IFT122: variants seen among roughly 807,000 people sequenced by gnomAD.
The protein encoded by IFT122 is intraflagellar transport 122.
In IFT122, 118 loss-of-function variants were observed where a neutral mutation model predicts 161.6. The observed-to-expected ratio is 0.73, with a 90% confidence interval of 0.63 to 0.85. IFT122 has a LOEUF of 0.85. IFT122 is among the 40% of genes least tolerant of loss of function. IFT122 has a pLI of 0.00. For synonymous variants in IFT122, 550 were observed against 602.4 expected, an observed-to-expected ratio of 0.91 and a Z score of 1.27; for missense variants, 1,381 against 1,579.6, an observed-to-expected ratio of 0.87 and a Z score of 2.13.
chr3:129,515,834 G>A (rs569641025), intron 26 of IFT122, among the ~76,000 whole-genome samples: 9 of 152,272 alleles, frequency 5.9e-5, no homozygotes, highest in Non-Finnish European at 8.8e-5. Flanking sequence ...GGAACCTGGC[G>A]CAGGGCTTTA....
chr3:129,508,474 A>G (rs1407108617), intron 23 of IFT122, among the ~76,000 whole-genome samples: 1 of 152,220 alleles, frequency 6.6e-6, no homozygotes, highest in Non-Finnish European at 1.5e-5. Context: ...CCCCCATGTT[A>G]CAGATGAGAA....
intron 22 of IFT122, among the ~76,000 whole-genome samples, chr3:129,506,838 T>G (rs2082241923): frequency 6.6e-6 from 1 of 152,162 alleles, no homozygotes; most frequent in South Asian, 2.1e-4. Context: ...TGGACCTGGG[T>G]GAGCACTGGG....
Position 129,478,228 on chromosome 3 carries a change from A to T in IFT122, c.1350+10A>T. On this transcript the variant is annotated intron_variant, in intron 12 of 29. Coordinates refer to ENST00000348417, the MANE Select transcript of IFT122 (RefSeq NM_052989.3). ...CATCATCCTGTGCCAGGTGGGCAGC[A>T]GCATGTTGAAGGAGTTGGGCTGAAT... The T allele has an allele frequency of 1.2e-6, 2 of 1,613,258 alleles. No individual in the cohort carries two copies. Among genetic ancestry groups the T allele is most frequent in the Non-Finnish European group, 1.7e-6 (2 of 1,179,324 alleles).
In IFT122 at chr3:129,515,607, C is replaced by G; in HGVS notation, c.3265+8C>G. ...TCTCCGCCTCTTCCTACGGTGAGTC[C>G]CTGCATCCTGAGCATGTGGGTGGGA... On this transcript the variant is annotated splice_region_variant and intron_variant, in intron 26 of 29. Transcript: ENST00000348417. 1 of 1,438,836 alleles carries G rather than the reference C, an allele frequency of 7.0e-7. No homozygotes were observed. The highest frequency in any genetic ancestry group is 2.3e-5 in the East Asian group (1 of 43,782). 89.1% of individuals were successfully genotyped at this position (1,438,836 alleles called of 1,614,324 possible).
intron 26 of IFT122, among the ~76,000 whole-genome samples, chr3:129,517,268 G>GCACACA (rs777108020): frequency 0.017 from 2,048 of 117,046 alleles, 44 homozygotes; most frequent in East Asian, 0.096. Context: ...CATTGCTCCT[G>GCACACA]CACACACACA....
At chr3:129,520,125 G>T in intron 29 of IFT122, 51 bp from the exon 30 acceptor site, 1 of 1,488,284 alleles carries the variant, frequency 6.7e-7, no homozygotes. Flanking sequence ...CCAGGCGTAG[G>T]GCTGATGAGC....
intron 16 of IFT122, 139 bp from the exon 17 acceptor site, chr3:129,492,002 G>A (rs1163436432): frequency 2.1e-5 from 16 of 766,698 alleles, no homozygotes; most frequent in Admixed American, 5.2e-5. Flanking sequence ...CTGCACGCAC[G>A]ATGATTAATC....
Position 129,458,678 on chromosome 3 carries a change from G to T in IFT122, c.272+1G>T, listed in dbSNP as rs372483083. Reference sequence around the variant, plus strand: ...AACTGGAAGGCATTCTGAAGTACACGTAAGTAACTTAGGTGTACAGTATTA... The same window carrying T: ...AACTGGAAGGCATTCTGAAGTACACTTAAGTAACTTAGGTGTACAGTATTA... On this transcript the variant is annotated splice_donor_variant, in intron 4 of 29. Coordinates refer to ENST00000348417, the MANE Select transcript of IFT122 (RefSeq NM_052989.3). LOFTEE classifies it high-confidence loss of function. The T allele has an allele frequency of 3.1e-6, 5 of 1,591,308 alleles. No homozygotes were observed. The highest frequency in any genetic ancestry group is 1.1e-5 in the South Asian group (1 of 90,640).
intron 23 of IFT122, among the ~76,000 whole-genome samples, chr3:129,509,195 T>C (rs2082506588): frequency 6.6e-6 from 1 of 152,248 alleles, no homozygotes; most frequent in South Asian, 2.1e-4. Context: ...AGACAACACT[T>C]CAAAACGACT....
At chr3:129,467,544 G>A (rs993319204) in intron 8 of IFT122, among the ~76,000 whole-genome samples, 32 of 152,042 alleles carry the variant, frequency 2.1e-4, no homozygotes, top group African/African-American at 6.5e-4. Context: ...TACTGGACAC[G>A]TTTCTTAGCC....
chr3:129,469,292 C>T (rs758591719), intron 8 of IFT122, 50 bp from the exon 9 acceptor site: 34 of 1,456,772 alleles, frequency 2.3e-5, no homozygotes, highest in Admixed American at 3.3e-5. Flanking sequence ...GAGCTATACT[C>T]ATCAGCAGGC....
At chr3:129,455,175 T>G (rs748633632) in intron 3 of IFT122, among the ~76,000 whole-genome samples, 1 of 151,930 alleles carries the variant, frequency 6.6e-6, no homozygotes. Flanking sequence ...ATTAAGTTTT[T>G]TTTGTTTTTT....
chr3:129,514,318 C>A, intron 24 of IFT122, 71 bp from the exon 25 acceptor site: 1 of 1,554,556 alleles, frequency 6.4e-7, no homozygotes, highest in Non-Finnish European at 8.8e-7. Flanking sequence ...CTGGGGCTCA[C>A]TCCAAGGACA....
intron 21 of IFT122, among the ~76,000 whole-genome samples, chr3:129,505,008 C>T (rs893400950): frequency 6.6e-6 from 1 of 152,204 alleles, no homozygotes; most frequent in East Asian, 1.9e-4. Context: ...CTGCACACAG[C>T]GTACAACAGC....
At chr3:129,501,275 T>A (rs774305891) in intron 19 of IFT122, among the ~76,000 whole-genome samples, 12 of 152,270 alleles carry the variant, frequency 7.9e-5, no homozygotes, top group Non-Finnish European at 1.8e-4. Context: ...TGGCTCAGGC[T>A]GGGTCCTAAA....
intron 11 of IFT122, 144 bp downstream of exon 11, chr3:129,476,945 CTTTTT>C (rs952499116): frequency 3.3e-4 from 212 of 642,474 alleles, no homozygotes; most frequent in Middle Eastern, 4.6e-4. Context: ...GTCTTGTTTT[CTTTTT>C]TTTTTTTTTT....
chr3:129,499,896 C>T lies in IFT122; in HGVS notation c.2209-6C>T, dbSNP rs1272230870. The stretch of plus-strand genomic sequence containing the variant: ...CAGAGTGTTTTTGTTTGTTGTGCTT[C>T]CTCAGGATTTCCTTGGATCTGGAGA... On this transcript the variant is annotated splice_region_variant and splice_polypyrimidine_tract_variant and intron_variant, in intron 18 of 29. Transcript: ENST00000348417. 10 of 1,614,072 alleles carry T rather than the reference C, an allele frequency of 6.2e-6. No individual in the cohort carries two copies. The highest frequency in any genetic ancestry group is 1.3e-5 in the African/African-American group (1 of 75,054).
intron 18 of IFT122, among the ~76,000 whole-genome samples, chr3:129,498,403 C>T (rs879808577): frequency 3.9e-5 from 6 of 152,206 alleles, no homozygotes; most frequent in East Asian, 1.9e-4. Flanking sequence ...ATAGAGAATC[C>T]GCGCCATAGC....
At chr3:129,509,911 T>C (rs896893403) in intron 23 of IFT122, among the ~76,000 whole-genome samples, 2 of 152,200 alleles carry the variant, frequency 1.3e-5, no homozygotes, top group African/African-American at 4.8e-5. Flanking sequence ...ATAACAGCAC[T>C]ATGTACTTGA....
Sources: gnomAD v4.1 joint callset for allele counts (sites outside exome capture counted in the v4.1 genomes callset) on GRCh38, gnomAD v4.1.1 for gene constraint, MANE v1.5 for transcripts, NCBI Gene and HGNC (gene_info 2026-07-23, HGNC 2026-07-21) for gene names.